The following ABCF1 variants were observed in gnomAD, a reference collection of about 807,000 sequenced individuals.
ABCF1 encodes ATP-binding cassette sub-family F member 1.
Under a neutral mutation model 126.3 loss-of-function variants are expected in ABCF1, and 73 were observed. That is an observed-to-expected ratio of 0.58 (90% CI 0.48 to 0.70). ABCF1 has a LOEUF of 0.70. Ranked by LOEUF, ABCF1 falls within the 30% of genes least tolerant of loss-of-function variation. The pLI, the probability that ABCF1 is intolerant of heterozygous loss-of-function variation, is 0.00. For missense variants in ABCF1, 786 were observed against 1,057.5 expected, an observed-to-expected ratio of 0.74 and a Z score of 3.56; for synonymous variants, 345 against 396.4, an observed-to-expected ratio of 0.87 and a Z score of 1.54.
chr6:30,585,398 C>G, intron 15 of ABCF1, 55 bp downstream of exon 15: 1 of 1,593,198 alleles, frequency 6.3e-7, no homozygotes, highest in East Asian at 2.2e-5. Flanking sequence ...TTCCCCTTCC[C>G]TCCCTGCCCT....
chr6:30,577,753 C>A, intron 2 of ABCF1, 65 bp from the exon 3 acceptor site: 1 of 1,504,276 alleles, frequency 6.6e-7, no homozygotes, highest in Non-Finnish European at 9.2e-7. Context: ...CAATGTGTGG[C>A]AGAGCACAGC....
intron 1 of ABCF1, among the ~76,000 whole-genome samples, chr6:30,575,733 T>G (rs148456719): frequency 1.8e-4 from 28 of 152,104 alleles, no homozygotes; most frequent in Non-Finnish European, 3.5e-4. Context: ...TTCATTTGCT[T>G]ACCAGATAAC....
chr6:30,590,521 A>T lies in ABCF1; in HGVS notation c.2372-14A>T, dbSNP rs375551293. On this transcript the variant is annotated splice_polypyrimidine_tract_variant and intron_variant, in intron 24 of 24. Coordinates refer to ENST00000326195, the MANE Select transcript of ABCF1 (RefSeq NM_001025091.2). ...TTTCTTCCTGCCCTCTGTTGTTGCT[A>T]TCTTTCTTCAAAGCTGTGATCGTTG... 1.1e-5 allele frequency: 18 copies of T among 1,605,292 alleles called. No individual in the cohort carries two copies. Among genetic ancestry groups the T allele is most frequent in the East Asian group, 6.7e-5 (3 of 44,824 alleles).
intron 20 of ABCF1, among the ~76,000 whole-genome samples, chr6:30,587,798 G>A (rs1285163619): frequency 6.6e-6 from 1 of 150,832 alleles, no homozygotes; most frequent in Non-Finnish European, 1.5e-5. Flanking sequence ...CCAGTTAGCC[G>A]AGGTCGTGCC....
In ABCF1 at chr6:30,580,531, G is replaced by A; in HGVS notation, c.678+12G>A. 1 of 1,469,122 alleles carries A rather than the reference G, an allele frequency of 6.8e-7. No homozygotes were observed. Among genetic ancestry groups the A allele is most frequent in the Non-Finnish European group, 9.0e-7 (1 of 1,112,712 alleles). The allele number at this position is 1,469,122 out of a possible 1,614,324, so 91.0% of individuals were successfully genotyped here. On this transcript the variant is annotated intron_variant, in intron 8 of 24. Transcript: ENST00000326195. ...AGAAGGCAGAGCAGGTGTGTATTTG[G>A]TGTTGGGGCAAGGTGGAATGAGGGA...
At chr6:30,590,252 CAG>C (rs1441113745) in intron 23 of ABCF1, 39 bp downstream of exon 23, 1 of 1,612,468 alleles carries the variant, frequency 6.2e-7, no homozygotes, top group African/African-American at 1.3e-5. Context: ...ATAAGGGTAA[CAG>C]TAATGGAAGA....
Position 30,583,989 on chromosome 6 carries a change from A to G in ABCF1, c.1102+99A>G. 6.9e-7 allele frequency: 1 copy of G among 1,455,716 alleles called. No individual in the cohort carries two copies. The highest frequency in any genetic ancestry group is 9.5e-7 in the Non-Finnish European group (1 of 1,053,960). 90.2% of individuals were successfully genotyped at this position (1,455,716 alleles called of 1,614,324 possible). ...AAGAAATTGTGGCTATGGAGTTGGA[A>G]GGGATGTGGAGGGAGACTGGAGACC... On this transcript the variant is annotated intron_variant, in intron 12 of 24. Transcript: ENST00000326195. This position sits in a 1 kb window ranked among gnomAD's most constrained non-coding sequence, Gnocchi z 4.1.
Position 30,585,619 on chromosome 6 carries a change from G to T in ABCF1, c.1537G>T (p.Asp513Tyr). 1 of 1,613,034 alleles carries T rather than the reference G, an allele frequency of 6.2e-7. No homozygotes were observed. The highest frequency in any genetic ancestry group is 8.5e-7 in the Non-Finnish European group (1 of 1,180,030). ...IVSHDQGFLDDVCTDIIHLDA... is the reference protein window; with the variant it reads ...IVSHDQGFLDYVCTDIIHLDA... ...CTCCCATGACCAGGGCTTCTTGGAT[G>T]ATGTCTGCACTGATATCATCCACCT... Residue 513 changes from aspartate to tyrosine, a missense_variant, in exon 16 of 25, where the codon GAT becomes TAT. Transcript: ENST00000326195.
Position 30,583,015 on chromosome 6 carries a change from T to G in ABCF1, c.793-51T>G, listed in dbSNP as rs1255055470. ...GCCAGCATGGGCTGTTTCATGGTGATGGGAAACTGGTAGACTGTGGCTTCA... is the reference window on the plus strand; with the variant it reads ...GCCAGCATGGGCTGTTTCATGGTGAGGGGAAACTGGTAGACTGTGGCTTCA... On this transcript the variant is annotated intron_variant, in intron 9 of 24. Transcript: ENST00000326195. This position sits in a 1 kb window ranked among gnomAD's most constrained non-coding sequence, Gnocchi z 4.1. 6.3e-7 allele frequency: 1 copy of G among 1,578,384 alleles called. No homozygotes were observed. Among genetic ancestry groups the G allele is most frequent in the East Asian group, 2.3e-5 (1 of 44,116 alleles).
Position 30,590,532 on chromosome 6 carries a change from A to G in ABCF1, c.2372-3A>G. 1 of 1,607,890 alleles carries G rather than the reference A, an allele frequency of 6.2e-7. No individual in the cohort carries two copies. The highest frequency in any genetic ancestry group is 8.5e-7 in the Non-Finnish European group (1 of 1,177,972). On this transcript the variant is annotated splice_region_variant and splice_polypyrimidine_tract_variant and intron_variant, in intron 24 of 24. Coordinates refer to ENST00000326195, the MANE Select transcript of ABCF1 (RefSeq NM_001025091.2). Reference sequence around the variant, plus strand: ...CCTCTGTTGTTGCTATCTTTCTTCAAAGCTGTGATCGTTGTCAGCCATGAT... The same window carrying G: ...CCTCTGTTGTTGCTATCTTTCTTCAGAGCTGTGATCGTTGTCAGCCATGAT...
chr6:30,577,387 C>T (rs1437156257), intron 1 of ABCF1, 22 bp from the exon 2 acceptor site: 5 of 1,612,972 alleles, frequency 3.1e-6, no homozygotes, highest in Admixed American at 1.7e-5. Flanking sequence ...TAAGCATTCA[C>T]GATGTCCGCT....
At chr6:30,589,379 T>C in intron 20 of ABCF1, 1 of 419,728 alleles carries the variant, frequency 2.4e-6, no homozygotes, top group African/African-American at 2.0e-5. Context: ...AAAGTTGGTG[T>C]ATGGACGAGG....
At chr6:30,590,107 T>C in intron 22 of ABCF1, 42 bp from the exon 23 acceptor site, 1 of 1,612,598 alleles carries the variant, frequency 6.2e-7, no homozygotes. Context: ...CTTCAGAATG[T>C]GAGGTGCTAG....
chr6:30,583,457 G>T lies in ABCF1; in HGVS notation c.916-151G>T, dbSNP rs555470546. On this transcript the variant is annotated intron_variant, in intron 10 of 24. Coordinates refer to ENST00000326195, the MANE Select transcript of ABCF1 (RefSeq NM_001025091.2). This position sits in a 1 kb window ranked among gnomAD's most constrained non-coding sequence, Gnocchi z 4.1. Reference sequence around the variant, plus strand: ...CATTACAGGCAGCGAACAGGGCGGGGACCGGCTGTGGGGAGAGGAAGGGGA... The same window carrying T: ...CATTACAGGCAGCGAACAGGGCGGGTACCGGCTGTGGGGAGAGGAAGGGGA... 2 of 915,122 alleles carry T rather than the reference G, an allele frequency of 2.2e-6. No individual in the cohort carries two copies. Among genetic ancestry groups the T allele is most frequent in the African/African-American group, 1.6e-5 (1 of 60,870 alleles). The allele number at this position is 915,122 out of a possible 1,614,324, so 56.7% of individuals were successfully genotyped here.
rs780573759 is a variant in ABCF1, at chr6:30,580,006, GT to G, written c.564+2del. On this transcript the variant is annotated splice_donor_variant, in intron 7 of 24. Transcript: ENST00000326195. LOFTEE classifies it high-confidence loss of function. ...AGAGAAGTCAAAAGGGAAGGCTAAG[GT>G]GAGAGAGTAACTAGCAGGAGGAGGT... 11 of 1,612,434 alleles carry G rather than the reference GT, an allele frequency of 6.8e-6. No individual in the cohort carries two copies. The Admixed American group carries it at 1.8e-4, about 27-fold the overall frequency.
intron 20 of ABCF1, among the ~76,000 whole-genome samples, chr6:30,587,647 C>A (rs41288535): frequency 0.054 from 8,059 of 148,758 alleles, 259 homozygotes; most frequent in Middle Eastern, 0.11. Context: ...AAAAAAAAAA[C>A]AGACCAGCCT....
chr6:30,584,048 C>G lies in ABCF1; in HGVS notation c.1103-144C>G. The G allele has an allele frequency of 7.2e-7, 1 of 1,395,666 alleles. No individual in the cohort carries two copies. Among genetic ancestry groups the G allele is most frequent in the Non-Finnish European group, 9.8e-7 (1 of 1,024,454 alleles). The allele number at this position is 1,395,666 out of a possible 1,614,324, so 86.5% of individuals were successfully genotyped here. A position where few individuals can be genotyped will look rare whatever the true frequency, so the allele number is the denominator to read the frequency against. On this transcript the variant is annotated intron_variant, in intron 12 of 24. Coordinates refer to ENST00000326195, the MANE Select transcript of ABCF1 (RefSeq NM_001025091.2). The surrounding 1 kb of genome is among the most constrained non-coding windows in gnomAD (Gnocchi z 4.6). Reference sequence around the variant, plus strand: ...GATGCTAAGGAAAGGAGGGGAGGGTCAATGAGGAACTTGAGAGTGTTTTAT... The same window carrying G: ...GATGCTAAGGAAAGGAGGGGAGGGTGAATGAGGAACTTGAGAGTGTTTTAT...
Position 30,586,702 on chromosome 6 carries a change from G to T in ABCF1, c.2022G>T (p.Lys674Asn), listed in dbSNP as rs758852301. 18 of 1,613,776 alleles carry T rather than the reference G, an allele frequency of 1.1e-5. No homozygotes were observed. Among genetic ancestry groups the T allele is most frequent in the Non-Finnish European group, 1.5e-5 (18 of 1,180,046 alleles). ...CGCTACTCCTGCTGCTGACTGGCAAGCTGACACCGGTGAGTCCTGGAGCCA... is the reference window on the plus strand; with the variant it reads ...CGCTACTCCTGCTGCTGACTGGCAATCTGACACCGGTGAGTCCTGGAGCCA... The part of the protein sequence containing the change: ...KSTLLLLLTG[K>N]LTPTHGEMRK... Residue 674 changes from lysine to asparagine, a missense_variant, in exon 20 of 25, where the codon AAG becomes AAT. Around this residue, in one of 4 missense-constraint regions of ABCF1, gnomAD observed 288 missense variants for 423.5 expected, o/e 0.68. Transcript: ENST00000326195. This position sits in a 1 kb window ranked among gnomAD's most constrained non-coding sequence, Gnocchi z 4.9.
chr6:30,587,630 C>T (rs1353276459), intron 20 of ABCF1, among the ~76,000 whole-genome samples: 4 of 150,482 alleles, frequency 2.7e-5, no homozygotes, highest in Non-Finnish European at 5.9e-5. Flanking sequence ...AGCAAAACTC[C>T]GTCTAAAAAA....
Sources: allele counts gnomAD v4.1 joint callset (sites outside exome capture counted in the v4.1 genomes callset), GRCh38; gene constraint gnomAD v4.1.1; regional missense constraint gnomAD v4.1.1; non-coding constraint Gnocchi (gnomAD v3.1); transcripts MANE v1.5; gene names NCBI Gene and HGNC (gene_info 2026-07-23, HGNC 2026-07-21).